Variants in ARMCX4 observed in about 807,000 individuals in gnomAD.
ARMCX4 encodes armadillo repeat containing X-linked 4, also known as armadillo repeat-containing X-linked protein 4.
ARMCX4 carries 3 observed loss-of-function variants against 34.7 expected under a neutral mutation model. The observed-to-expected ratio is 0.09, with a 90% CI of 0.04 to 0.22. The LOEUF is 0.22. Among genes scored for constraint, ARMCX4 ranks in the 10% least tolerant of loss-of-function variants. The pLI, the probability that ARMCX4 is intolerant of heterozygous loss-of-function variation, is 1.00. For synonymous variants in ARMCX4, 513 were observed against 632.8 expected (o/e 0.81, Z 2.84); for missense variants, 1,448 against 1,720.8 (o/e 0.84, Z 2.81).
rs1444491908 is a variant in ARMCX4 at position 101,514,117 on chromosome X, G to T, written c.*1780+3062G>T. Among the ~76,000 whole-genome samples the T allele has an allele frequency of 8.1e-5, 9 of 111,434 alleles. No individual in the cohort carries two copies. In the Admixed American group the frequency reaches 8.6e-4, roughly 11 times the overall value. ...AGAAGCCCAAAGTGGCCTGGTGGCA[G>T]TCTTAACTTCAATGGAATCATTGTT... On this transcript the variant is annotated intron_variant and NMD_transcript_variant, in intron 11 of 12. Transcript: ENST00000354842.
intron 11 of ARMCX4, among the ~76,000 whole-genome samples, chrX:101,523,331 AAGGTACT>A (rs1934893619): frequency 8.9e-6 from 1 of 112,000 alleles, no homozygotes; most frequent in Admixed American, 9.5e-5. Context: ...AGGATCCTCC[AAGGTACT>A]AGTGGCTGAA....
At chrX:101,467,331 A>G (rs1556002170) in intron 4 of ARMCX4, among the ~76,000 whole-genome samples, 3 of 111,357 alleles carry the variant, frequency 2.7e-5, no homozygotes, top group African/African-American at 9.8e-5. Flanking sequence ...TTGTATTTTA[A>G]GTAGAGATGG....
chrX:101,514,219 G>A (rs1417836105), intron 11 of ARMCX4, among the ~76,000 whole-genome samples: 4 of 111,130 alleles, frequency 3.6e-5, no homozygotes, highest in African/African-American at 1.3e-4. Flanking sequence ...ATGGAGGCAG[G>A]AAGCAAAAAT....
At chrX:101,527,059 C>A (rs150087086) in intron 11 of ARMCX4, among the ~76,000 whole-genome samples, 1 of 111,545 alleles carries the variant, frequency 9.0e-6, no homozygotes, top group Non-Finnish European at 1.9e-5. Flanking sequence ...GCACTTATTC[C>A]AAAACTGACC....
intron 2 of ARMCX4, among the ~76,000 whole-genome samples, chrX:101,425,427 C>G (rs1309949433): frequency 9.7e-6 from 1 of 103,012 alleles, no homozygotes; most frequent in Non-Finnish European, 2.0e-5. Context: ...GAGTTTCACT[C>G]TTGTTGCCCA....
downstream of ARMCX4, among the ~76,000 whole-genome samples, chrX:101,499,803 G>A (rs782732487): frequency 7.2e-5 from 8 of 111,761 alleles, no homozygotes; most frequent in South Asian, 3.0e-3. Flanking sequence ...ACAACATAAT[G>A]TCCTGGGGGG....
At chrX:101,498,492 C>A, downstream of ARMCX4, 1 of 129,839 alleles carries the variant, frequency 7.7e-6, no homozygotes, top group Admixed American at 8.3e-5. Flanking sequence ...ATAAGGAAGG[C>A]CAGAAAATTG....
intron 2 of ARMCX4, among the ~76,000 whole-genome samples, chrX:101,432,905 T>C (rs1276040500): frequency 3.4e-5 from 3 of 88,884 alleles, no homozygotes; most frequent in African/African-American, 7.8e-5. Flanking sequence ...TACGTGTATA[T>C]ACACACACGT....
At chrX:101,509,536 A>G (rs925342274) in intron 9 of ARMCX4, 5 of 111,773 alleles carry the variant, frequency 4.5e-5, no homozygotes, top group Admixed American at 9.6e-5. Flanking sequence ...CATCATGACA[A>G]ATGATACAAA....
chrX:101,436,385 T>G (rs1348623711), intron 2 of ARMCX4, among the ~76,000 whole-genome samples: 3 of 110,477 alleles, frequency 2.7e-5, no homozygotes, highest in Non-Finnish European at 5.7e-5. Flanking sequence ...GATTCCTAGG[T>G]ATTTTATTCT....
At chrX:101,484,920 GA>G (rs77555033), upstream of ARMCX4, among the ~76,000 whole-genome samples, 2 of 108,417 alleles carry the variant, frequency 1.8e-5, no homozygotes, top group African/African-American at 6.7e-5. Context: ...CATATTAAAA[GA>G]AAAAAAAGGA....
chrX:101,497,534 C>T (rs1375054569), downstream of ARMCX4, among the ~76,000 whole-genome samples: 5 of 111,603 alleles, frequency 4.5e-5, no homozygotes, highest in South Asian at 3.7e-4. Flanking sequence ...CCACCACGCC[C>T]GGCCTCATTT....
chrX:101,532,106 T>G (rs1464309361), intron 12 of ARMCX4: 2 of 111,873 alleles, frequency 1.8e-5, no homozygotes, highest in Non-Finnish European at 3.8e-5. Context: ...AATAACTTAC[T>G]GGAAGCTTAG....
chrX:101,432,444 C>T lies in ARMCX4; in HGVS notation n.165-11608C>T, dbSNP rs781926606. Among the ~76,000 whole-genome samples the T allele has an allele frequency of 5.9e-4, 66 of 111,057 alleles. 1 individual carries two copies. Among genetic ancestry groups the T allele is most frequent in the African/African-American group, 7.2e-4 (22 of 30,512 alleles). ...TTGGGAGGCTGAGGCAGTAGGATCACGAAGTCAGGAGTTCAAGTCTAGTCT... is the reference window on the plus strand; with the variant it reads ...TTGGGAGGCTGAGGCAGTAGGATCATGAAGTCAGGAGTTCAAGTCTAGTCT... On this transcript the variant is annotated intron_variant and non_coding_transcript_variant, in intron 2 of 3. Coordinates refer to the ARMCX4 transcript ENST00000430461.
intron 11 of ARMCX4, among the ~76,000 whole-genome samples, chrX:101,515,398 C>CTTTCT (rs1556017499): frequency 8.7e-4 from 1 of 1,149 alleles, no homozygotes; most frequent in Non-Finnish European, 1.2e-3. Context: ...TCTTTCCCTC[C>CTTTCT]CTCCCTCCCT....
intron 7 of ARMCX4, among the ~76,000 whole-genome samples, chrX:101,503,843 A>G (rs1372931201): frequency 1.8e-5 from 2 of 110,935 alleles, no homozygotes; most frequent in African/African-American, 3.3e-5. Context: ...TTGGTGTTTT[A>G]GACATGAAGT....
chrX:101,452,984 T>C (rs1428383600), intron 4 of ARMCX4, among the ~76,000 whole-genome samples: 4 of 110,526 alleles, frequency 3.6e-5, no homozygotes, highest in Non-Finnish European at 7.6e-5. Flanking sequence ...TATTTAATTC[T>C]CATTACCACC....
downstream of ARMCX4, among the ~76,000 whole-genome samples, chrX:101,534,334 C>T (rs1244340516): frequency 9.0e-6 from 1 of 111,382 alleles, no homozygotes; most frequent in African/African-American, 3.3e-5. Context: ...ATGTGCAACA[C>T]AAATTGAAAT....
chrX:101,482,877 A>T (rs889651567), upstream of ARMCX4, among the ~76,000 whole-genome samples: 25 of 77,454 alleles, frequency 3.2e-4, no homozygotes, highest in African/African-American at 9.0e-4. Context: ...TAGCCATTTT[A>T]TGTTGCGTCA....
Sources: allele counts gnomAD v4.1 joint callset (sites outside exome capture counted in the v4.1 genomes callset), GRCh38; gene constraint gnomAD v4.1.1; transcripts MANE v1.5; gene names NCBI Gene and HGNC (gene_info 2026-07-23, HGNC 2026-07-21).